The following APBA2 variants were observed in gnomAD, a reference collection of about 807,000 sequenced individuals.
The protein encoded by APBA2 is amyloid beta precursor protein binding family A member 2, also known as amyloid-beta A4 precursor protein-binding family A member 2.
In APBA2, 30 loss-of-function variants were observed where a neutral mutation model predicts 75.0. The ratio of observed to expected loss-of-function variants is 0.40; its 90% CI spans 0.30 to 0.54. The LOEUF is 0.54. Among genes scored for constraint, APBA2 ranks in the 20% least tolerant of loss-of-function variants. APBA2 has a pLI of 0.49. For synonymous variants in APBA2, 444 were observed against 409.6 expected, an observed-to-expected ratio of 1.08 and a Z score of -1.01; for missense variants, 801 against 1,016.1, an observed-to-expected ratio of 0.79 and a Z score of 2.88.
intron 1 of APBA2, among the ~76,000 whole-genome samples, chr15:28,909,808 C>G (rs1381721818): frequency 6.6e-6 from 1 of 152,186 alleles, no homozygotes; most frequent in Non-Finnish European, 1.5e-5. Flanking sequence ...GGCCGTGTGA[C>G]CACAGGGCTT....
chr15:29,004,959 C>T (rs1392362699), intron 3 of APBA2, among the ~76,000 whole-genome samples: 4 of 152,296 alleles, frequency 2.6e-5, no homozygotes, highest in Non-Finnish European at 2.9e-5. Context: ...GGGTTACAGG[C>T]GTGAGCCATC....
chr15:29,048,007 AT>A (rs988361143), intron 3 of APBA2, among the ~76,000 whole-genome samples: 2 of 152,146 alleles, frequency 1.3e-5, no homozygotes, highest in African/African-American at 4.8e-5. Flanking sequence ...AAATAGGAAG[AT>A]TTTTTTGGGT....
intron 2 of APBA2, among the ~76,000 whole-genome samples, chr15:28,927,148 G>A (rs2034312644): frequency 6.6e-6 from 1 of 151,932 alleles, no homozygotes; most frequent in Admixed American, 6.6e-5. Context: ...GTGAGCCACC[G>A]CACCTGGCCT....
At chr15:28,977,424 C>G (rs896430555) in intron 2 of APBA2, 1 of 152,166 alleles carries the variant, frequency 6.6e-6, no homozygotes, top group Non-Finnish European at 1.5e-5. Context: ...ACCCCACCCC[C>G]AAGATTTTCC....
At chr15:29,050,579 TGTA>T (rs1014644330) in intron 3 of APBA2, among the ~76,000 whole-genome samples, 20 of 152,220 alleles carry the variant, frequency 1.3e-4, no homozygotes, top group African/African-American at 4.6e-4. Context: ...CTGGTTCTAT[TGTA>T]GTTCTCCTAC....
At chr15:29,114,256 A>G (rs2044919928) in intron 14 of APBA2, among the ~76,000 whole-genome samples, 1 of 152,212 alleles carries the variant, frequency 6.6e-6, no homozygotes, top group Non-Finnish European at 1.5e-5. Context: ...CCTGGACACT[A>G]CTTTTGGGAC....
intron 2 of APBA2, among the ~76,000 whole-genome samples, chr15:28,976,209 C>T (rs1044850571): frequency 9.2e-5 from 14 of 152,190 alleles, no homozygotes; most frequent in Non-Finnish European, 1.5e-5. Flanking sequence ...TGGTATCCAG[C>T]AACCTTGCTT....
intron 1 of APBA2, among the ~76,000 whole-genome samples, chr15:28,899,406 CA>C (rs951096998): frequency 1.3e-5 from 2 of 152,236 alleles, no homozygotes; most frequent in Admixed American, 1.3e-4. Context: ...TCGCTGACTT[CA>C]GAGGAGAGAG....
rs541578825 is a variant in APBA2 at position 29,089,542 on chromosome 15, G to C, written c.1070-3533G>C. Among the ~76,000 whole-genome samples the C allele has an allele frequency of 5.9e-5, 9 of 152,286 alleles. No homozygotes were observed. In the South Asian group the frequency reaches 1.9e-3, roughly 32 times the overall value. ...CTTGGAGCTAATGAGACCCCCTGGG[G>C]CCACACTGGCACCTTAGAAGCCTCT... On this transcript the variant is annotated intron_variant, in intron 6 of 14. Transcript: ENST00000683413.
intron 2 of APBA2, among the ~76,000 whole-genome samples, chr15:28,968,157 A>G (rs1304513840): frequency 6.6e-6 from 1 of 152,260 alleles, no homozygotes; most frequent in Non-Finnish European, 1.5e-5. Context: ...CCGTATGTGT[A>G]GACCACATTT....
At chr15:29,061,561 A>C (rs1376331586) in intron 4 of APBA2, among the ~76,000 whole-genome samples, 1 of 152,258 alleles carries the variant, frequency 6.6e-6, no homozygotes, top group African/African-American at 2.4e-5. Context: ...AGCCAACTTA[A>C]TACAAGTTAA....
chr15:28,937,791 G>A (rs2152698884), intron 2 of APBA2, among the ~76,000 whole-genome samples: 1 of 152,148 alleles, frequency 6.6e-6, no homozygotes, highest in East Asian at 1.9e-4. Flanking sequence ...CGAGTAGCTG[G>A]GACTACAGGC....
intron 6 of APBA2, among the ~76,000 whole-genome samples, chr15:29,090,866 A>C (rs11070500): frequency 0.85 from 129,836 of 152,082 alleles, 55,853 homozygotes; most frequent in Non-Finnish European, 0.91. Context: ...CCCCACAGCC[A>C]GATGCCATAA....
chr15:29,006,699 T>C (rs534520492), intron 3 of APBA2, among the ~76,000 whole-genome samples: 1 of 152,284 alleles, frequency 6.6e-6, no homozygotes, highest in East Asian at 1.9e-4. Context: ...TCATGAGATT[T>C]ATTCACTACC....
chr15:29,065,599 A>C (rs975206820), intron 4 of APBA2, among the ~76,000 whole-genome samples: 1 of 152,200 alleles, frequency 6.6e-6, no homozygotes, highest in Non-Finnish European at 1.5e-5. Context: ...AATGGAATGG[A>C]GCCCTCTGGG....
rs555783885 is a variant in APBA2, at chr15:29,033,476, A to G, written c.-40-20369A>G. On this transcript the variant is annotated intron_variant, in intron 3 of 14. Transcript: ENST00000683413. Reference sequence around the variant, plus strand: ...CACAGTCTTCCACAAGACTGCCCTCACTTCTGACACCAGCCCCAAATTCAG... The same window carrying G: ...CACAGTCTTCCACAAGACTGCCCTCGCTTCTGACACCAGCCCCAAATTCAG... 7.2e-5 allele frequency among the ~76,000 whole-genome samples: 11 copies of G among 152,224 alleles called. No individual in the cohort carries two copies. In the South Asian group the frequency reaches 2.1e-3, roughly 29 times the overall value.
At chr15:28,998,475 C>A (rs1358816611) in intron 3 of APBA2, among the ~76,000 whole-genome samples, 2 of 152,104 alleles carry the variant, frequency 1.3e-5, no homozygotes, top group Admixed American at 1.3e-4. Flanking sequence ...TGTGTAAAAC[C>A]TAGCCCAAAG....
intron 3 of APBA2, among the ~76,000 whole-genome samples, chr15:29,052,909 T>G (rs1281756162): frequency 1.3e-5 from 2 of 151,928 alleles, no homozygotes; most frequent in Non-Finnish European, 2.9e-5. Context: ...ATAAAGAACT[T>G]CCTCCCAAGA....
chr15:28,996,863 G>T (rs1402624930), intron 3 of APBA2, among the ~76,000 whole-genome samples: 1 of 152,222 alleles, frequency 6.6e-6, no homozygotes, highest in South Asian at 2.1e-4. Context: ...GGAACACTTT[G>T]TGTGTCCCAG....
Sources: gnomAD v4.1 joint callset for allele counts (sites outside exome capture counted in the v4.1 genomes callset) on GRCh38, gnomAD v4.1.1 for gene constraint, MANE v1.5 for transcripts, NCBI Gene and HGNC (gene_info 2026-07-23, HGNC 2026-07-21) for gene names.